The following PTPRR variants were observed in gnomAD, a reference collection of about 807,000 sequenced individuals.
PTPRR encodes the protein protein tyrosine phosphatase receptor type R.
Under a neutral mutation model 77.2 loss-of-function variants are expected in PTPRR, and 38 were observed. The observed-to-expected ratio is 0.49, with a 90% CI of 0.38 to 0.65. PTPRR has a LOEUF of 0.65. Ranked by LOEUF, PTPRR falls within the 30% of genes least tolerant of loss-of-function variation. PTPRR has a pLI of 0.00. For synonymous variants in PTPRR, 299 were observed against 283.1 expected, an observed-to-expected ratio of 1.06 and a Z score of -0.57; for missense variants, 744 against 799.2, an observed-to-expected ratio of 0.93 and a Z score of 0.83.
intron 10 of PTPRR, among the ~76,000 whole-genome samples, chr12:70,667,990 A>G (rs1887072542): frequency 6.6e-6 from 1 of 152,152 alleles, no homozygotes; most frequent in African/African-American, 2.4e-5. Flanking sequence ...AAAATTGTCC[A>G]CTAGTTTGAA....
chr12:70,746,717 G>C (rs1890225084), intron 5 of PTPRR, among the ~76,000 whole-genome samples: 1 of 151,520 alleles, frequency 6.6e-6, no homozygotes, highest in African/African-American at 2.4e-5. Flanking sequence ...TTCGATACAG[G>C]ATCTGGCTCT....
At chr12:70,820,824 T>C (rs181997568) in intron 2 of PTPRR, among the ~76,000 whole-genome samples, 43 of 152,314 alleles carry the variant, frequency 2.8e-4, no homozygotes, top group Admixed American at 1.3e-4. Flanking sequence ...CCTGTTGTTT[T>C]AGCAAGAATC....
intron 2 of PTPRR, among the ~76,000 whole-genome samples, chr12:70,789,971 A>G (rs1360249034): frequency 6.6e-6 from 1 of 152,228 alleles, no homozygotes; most frequent in Non-Finnish European, 1.5e-5. Context: ...GTAAAAAATC[A>G]GAAGCAACTT....
At chr12:70,711,001 A>G (rs1385708974) in intron 6 of PTPRR, among the ~76,000 whole-genome samples, 1 of 152,134 alleles carries the variant, frequency 6.6e-6, no homozygotes, top group Non-Finnish European at 1.5e-5. Flanking sequence ...CAATTCCTTA[A>G]AGACCTATAG....
At chr12:70,741,926 C>T (rs938734622) in intron 6 of PTPRR, among the ~76,000 whole-genome samples, 5 of 152,080 alleles carry the variant, frequency 3.3e-5, no homozygotes, top group African/African-American at 1.2e-4. Context: ...CCTATGCCTC[C>T]ATTTGGGGTA....
intron 2 of PTPRR, among the ~76,000 whole-genome samples, chr12:70,859,850 A>G (rs1274395461): frequency 6.6e-6 from 1 of 152,064 alleles, no homozygotes; most frequent in African/African-American, 2.4e-5. Flanking sequence ...CCCTCCCCAA[A>G]CAGGTATTAC....
chr12:70,830,591 C>G (rs1892194771), intron 2 of PTPRR, among the ~76,000 whole-genome samples: 1 of 152,200 alleles, frequency 6.6e-6, no homozygotes, highest in African/African-American at 2.4e-5. Context: ...TACAATCTAG[C>G]AAGGTTGCTC....
At chr12:70,867,943 T>C (rs2137087167) in intron 2 of PTPRR, among the ~76,000 whole-genome samples, 1 of 152,308 alleles carries the variant, frequency 6.6e-6, no homozygotes. Flanking sequence ...GGGAAAGGAT[T>C]CCCTATTTAA....
Position 70,638,630 on chromosome 12 carries a change from AT to A in PTPRR, c.*553del, listed in dbSNP as rs1885857156. Reference sequence around the variant, plus strand: ...CCATATAAAATAGTTACTGTTTTTGATTTTTGTTTTTCAAAAACAAAGACTT... The same window carrying A: ...CCATATAAAATAGTTACTGTTTTTGATTTTGTTTTTCAAAAACAAAGACTT... On this transcript the variant is annotated 3_prime_UTR_variant, in exon 14 of 14. Coordinates refer to ENST00000283228, the MANE Select transcript of PTPRR (RefSeq NM_002849.4). 1 of 152,686 alleles carries A rather than the reference AT, an allele frequency of 6.5e-6. No individual in the cohort carries two copies. Among genetic ancestry groups the A allele is most frequent in the Non-Finnish European group, 1.5e-5 (1 of 68,210 alleles). The allele number at this position is 152,686 out of a possible 1,614,324, so 9.5% of individuals were successfully genotyped here.
In PTPRR at chr12:70,862,836, G is replaced by A. The variant is rs531947983; in HGVS notation, c.357+29843C>T. On this transcript the variant is annotated intron_variant, in intron 2 of 13. Transcript: ENST00000283228. ...TCAATAATTCCAGAACAAAAAAGAAGTACACCAGCCATTCCACCTGTTTCT... is the reference window on the plus strand; with the variant it reads ...TCAATAATTCCAGAACAAAAAAGAAATACACCAGCCATTCCACCTGTTTCT... Among the ~76,000 whole-genome samples, 4 of 152,060 alleles carry A rather than the reference G, an allele frequency of 2.6e-5. No individual in the cohort carries two copies. In the South Asian group the frequency reaches 8.3e-4, roughly 32 times the overall value.
chr12:70,884,804 G>A (rs1893209392), intron 2 of PTPRR, among the ~76,000 whole-genome samples: 1 of 147,386 alleles, frequency 6.8e-6, no homozygotes, highest in Non-Finnish European at 1.5e-5. Flanking sequence ...CCTGAGAGGC[G>A]GAGCTTGCAG....
chr12:70,730,408 G>T (rs1889612029), intron 6 of PTPRR, among the ~76,000 whole-genome samples: 1 of 152,162 alleles, frequency 6.6e-6, no homozygotes, highest in African/African-American at 2.4e-5. Context: ...CTACTTGGGA[G>T]ACTGAGGCAG....
chr12:70,810,511 T>A (rs1891790493), intron 2 of PTPRR, among the ~76,000 whole-genome samples: 3 of 152,194 alleles, frequency 2.0e-5, no homozygotes, highest in Non-Finnish European at 4.4e-5. Context: ...CACTTAACTT[T>A]TAACAGTTAT....
chr12:70,708,137 C>A (rs1565658287), intron 6 of PTPRR, among the ~76,000 whole-genome samples: 1 of 152,178 alleles, frequency 6.6e-6, no homozygotes, highest in Middle Eastern at 3.4e-3. Flanking sequence ...CAATATATAT[C>A]ATATTCACTA....
At chr12:70,807,258 T>C (rs1188625165) in intron 2 of PTPRR, among the ~76,000 whole-genome samples, 1 of 152,212 alleles carries the variant, frequency 6.6e-6, no homozygotes, top group African/African-American at 2.4e-5. Context: ...ACTGCTCATG[T>C]GTAGACTTCT....
At chr12:70,642,536 C>T (rs1253842022) in intron 13 of PTPRR, among the ~76,000 whole-genome samples, 1 of 152,096 alleles carries the variant, frequency 6.6e-6, no homozygotes, top group Non-Finnish European at 1.5e-5. Flanking sequence ...AAGTTGATAT[C>T]ATGATATATA....
rs1310627845 is a variant in PTPRR, at chr12:70,638,682, A to T, written c.*502T>A. The T allele has an allele frequency of 6.6e-6, 1 of 152,366 alleles. No individual in the cohort carries two copies. The highest frequency in any genetic ancestry group is 1.5e-5 in the Non-Finnish European group (1 of 68,134). 9.4% of individuals were successfully genotyped at this position (152,366 alleles called of 1,614,324 possible). A position where few individuals can be genotyped will look rare whatever the true frequency, so the allele number is the denominator to read the frequency against. On this transcript the variant is annotated 3_prime_UTR_variant, in exon 14 of 14. Coordinates refer to ENST00000283228, the MANE Select transcript of PTPRR (RefSeq NM_002849.4). ...CTCTGTTAAAAATCCATTATCAATC[A>T]CTTGCAACTTTAGCAGCAAGATTCT...
intron 6 of PTPRR, among the ~76,000 whole-genome samples, chr12:70,717,724 C>T (rs1592701103): frequency 6.6e-6 from 1 of 152,158 alleles, no homozygotes; most frequent in East Asian, 1.9e-4. Flanking sequence ...ACACAATTGA[C>T]CTAATTTTAA....
rs1376852746 is a variant in PTPRR at position 70,892,831 on chromosome 12, A to G, written c.205T>C (p.Ser69Pro). 6.2e-7 allele frequency: 1 copy of G among 1,613,446 alleles called. No individual in the cohort carries two copies. The highest frequency in any genetic ancestry group is 8.5e-7 in the Non-Finnish European group (1 of 1,179,626). Residue 69 changes from serine to proline, a missense_variant, in exon 2 of 14, where the codon TCT becomes CCT. Ser to Pro is a moderately conservative substitution (Grantham distance 74). Transcript: ENST00000283228. The part of the protein sequence containing the change: ...QKIYRHSYHS[S>P]SEAQVSKRHQ... ...CGTTTGCTTACTTGAGCTTCGGAAG[A>G]GGAATGGTAGCTATGTCTGTAGATT...
Sources: allele counts gnomAD v4.1 joint callset (sites outside exome capture counted in the v4.1 genomes callset), GRCh38; gene constraint gnomAD v4.1.1; transcripts MANE v1.5; gene names NCBI Gene and HGNC (gene_info 2026-07-23, HGNC 2026-07-21).